Variants in SLF1 observed in about 807,000 individuals in gnomAD.
SLF1 encodes SMC5-SMC6 complex localization factor protein 1.
SLF1 carries 105 observed loss-of-function variants against 123.0 expected under a neutral mutation model. The observed-to-expected ratio is 0.85, with a 90% CI of 0.73 to 1.00. The LOEUF (loss-of-function observed/expected upper bound fraction) is 1.00. SLF1 is among the 50% of genes least tolerant of loss of function. SLF1 has a pLI of 0.00. For missense variants in SLF1, 1,239 were observed against 1,223.0 expected, an observed-to-expected ratio of 1.01 and a Z score of -0.20; for synonymous variants, 434 against 406.6, an observed-to-expected ratio of 1.07 and a Z score of -0.81.
intron 15 of SLF1, among the ~76,000 whole-genome samples, chr5:94,685,735 T>C (rs532930735): frequency 6.6e-6 from 1 of 151,962 alleles, no homozygotes; most frequent in Non-Finnish European, 1.5e-5. Flanking sequence ...CTTGGGAGGC[T>C]GAGGCAGGAG....
Position 94,695,194 on chromosome 5 carries a change from A to G in SLF1, c.3059A>G (p.Lys1020Arg), listed in dbSNP as rs746596938. 1 of 1,612,702 alleles carries G rather than the reference A, an allele frequency of 6.2e-7. No individual in the cohort carries two copies. Among genetic ancestry groups the G allele is most frequent in the Non-Finnish European group, 8.5e-7 (1 of 1,179,092 alleles). ...GCTGGAAATATAAAGACATTGCAGA[A>G]ACTCCCACACATTCTTAAGGAACTG... ...LYAGNIKTLQ[K>R]LPHILKELPE... The change falls in exon 21 of 21, where the codon AAA becomes AGA. Residue 1020 changes from lysine to arginine, a missense_variant. By Grantham distance (26) the Lys-to-Arg change is conservative. Coordinates refer to ENST00000265140, the MANE Select transcript of SLF1 (RefSeq NM_032290.4).
At chr5:94,663,622 G>A (rs907669082) in intron 10 of SLF1, 128 bp from the exon 11 acceptor site, 2 of 852,436 alleles carry the variant, frequency 2.3e-6, no homozygotes, top group Admixed American at 6.4e-5. Context: ...TCCAGCCTGG[G>A]TAACAGAGTG....
Position 94,630,490 on chromosome 5 carries a change from A to G in SLF1, c.191-13A>G. 2 of 1,538,508 alleles carry G rather than the reference A, an allele frequency of 1.3e-6. No individual in the cohort carries two copies. Among genetic ancestry groups the G allele is most frequent in the South Asian group, 1.2e-5 (1 of 83,046 alleles). ...AAAATTCCTTTGTGACTGACAGCTC[A>G]TTTGCTTTCTAGGAAAGTGGATACT... On this transcript the variant is annotated splice_polypyrimidine_tract_variant and intron_variant, in intron 3 of 20. Transcript: ENST00000265140.
intron 14 of SLF1, 25 bp from the exon 15 acceptor site, chr5:94,678,783 T>C: frequency 6.3e-7 from 1 of 1,577,836 alleles, no homozygotes; most frequent in Non-Finnish European, 8.7e-7. Context: ...TATATTTTAG[T>C]AATTTTTTTG....
In SLF1 at chr5:94,646,263, A is replaced by G. The variant is rs76062934; in HGVS notation, c.594+2828A>G. Among the ~76,000 whole-genome samples, 892 of 152,150 alleles carry G rather than the reference A, an allele frequency of 5.9e-3. 9 individuals carry two copies. Among genetic ancestry groups the G allele is most frequent in the African/African-American group, 0.021 (859 of 41,492 alleles). On this transcript the variant is annotated intron_variant, in intron 5 of 20. Transcript: ENST00000265140. ...ACCTTGTCCCCCTTTTTTTTAAGGT[A>G]ACATTGTATTTTTTAAAAAAGTTTT...
At chr5:94,627,622 C>G (rs1488252977) in intron 1 of SLF1, among the ~76,000 whole-genome samples, 1 of 60,580 alleles carries the variant, frequency 1.7e-5, no homozygotes, top group Admixed American at 1.6e-4. Flanking sequence ...ATATATATAG[C>G]AAAGTTAAGA....
chr5:94,652,355 A>G (rs536352136), intron 7 of SLF1, among the ~76,000 whole-genome samples: 255 of 152,252 alleles, frequency 1.7e-3, no homozygotes, highest in African/African-American at 5.6e-3. Flanking sequence ...CTTACCTAGA[A>G]GTAATCTTTG....
intron 5 of SLF1, among the ~76,000 whole-genome samples, chr5:94,646,124 C>T (rs745674395): frequency 7.9e-5 from 12 of 152,136 alleles, no homozygotes; most frequent in Admixed American, 3.9e-4. Context: ...TGGTGGCACA[C>T]CTATAGTTCT....
At chr5:94,682,882 G>A (rs1381840618) in intron 15 of SLF1, among the ~76,000 whole-genome samples, 1 of 152,140 alleles carries the variant, frequency 6.6e-6, no homozygotes, top group African/African-American at 2.4e-5. Flanking sequence ...AATATTACTG[G>A]CTTTTTAGGC....
intron 15 of SLF1, among the ~76,000 whole-genome samples, chr5:94,684,143 T>A (rs1207800898): frequency 1.3e-5 from 2 of 152,230 alleles, no homozygotes; most frequent in Non-Finnish European, 2.9e-5. Flanking sequence ...TGAGATCAAC[T>A]CTTTTGAACT....
intron 14 of SLF1, among the ~76,000 whole-genome samples, chr5:94,671,650 A>ATTT (rs765388734): frequency 7.5e-6 from 1 of 132,656 alleles, no homozygotes; most frequent in African/African-American, 2.7e-5. Context: ...TTTTCTTTTA[A>ATTT]TTTTTTTTTT....
chr5:94,675,354 T>A (rs1404163333), intron 14 of SLF1, among the ~76,000 whole-genome samples: 1 of 152,234 alleles, frequency 6.6e-6, no homozygotes, highest in East Asian at 1.9e-4. Flanking sequence ...TTTATTTCTT[T>A]GTTAATTCTT....
At chr5:94,651,548 A>G (rs1408938521) in intron 6 of SLF1, among the ~76,000 whole-genome samples, 154 bp from the exon 7 acceptor site, 3 of 152,228 alleles carry the variant, frequency 2.0e-5, no homozygotes, top group Non-Finnish European at 4.4e-5. Flanking sequence ...TTTATCTTAC[A>G]TAATTCAGAG....
At chr5:94,658,041 T>G (rs976382349) in intron 9 of SLF1, among the ~76,000 whole-genome samples, 9 of 152,102 alleles carry the variant, frequency 5.9e-5, no homozygotes, top group African/African-American at 2.2e-4. Flanking sequence ...TCCATCTACA[T>G]TCAAGGTTAT....
intron 12 of SLF1, among the ~76,000 whole-genome samples, chr5:94,668,452 G>C (rs1305212581): frequency 6.6e-6 from 1 of 152,132 alleles, no homozygotes; most frequent in African/African-American, 2.4e-5. Flanking sequence ...TCCTGCCTCA[G>C]CCTCCCAAGT....
chr5:94,652,725 A>C (rs111728932), intron 7 of SLF1, among the ~76,000 whole-genome samples: 1 of 152,180 alleles, frequency 6.6e-6, no homozygotes, highest in Non-Finnish European at 1.5e-5. Flanking sequence ...ATTCCTAGGA[A>C]TGGAGTTGCT....
In SLF1 at chr5:94,629,135, A is replaced by C; in HGVS notation, c.158A>C (p.Lys53Thr). ...CTHLIAERLC[K>T]SEKFLAACAA... ...CATCTTATAGCTGAACGCCTATGTAAGAGTGAAAAATTTTTAGCAGCTTGT... is the reference window on the plus strand; with the variant it reads ...CATCTTATAGCTGAACGCCTATGTACGAGTGAAAAATTTTTAGCAGCTTGT... The change falls in exon 3 of 21, where the codon AAG becomes ACG. Residue 53 changes from lysine to threonine, a missense_variant. Coordinates refer to ENST00000265140, the MANE Select transcript of SLF1 (RefSeq NM_032290.4). 2 of 1,548,794 alleles carry C rather than the reference A, an allele frequency of 1.3e-6. No homozygotes were observed. The highest frequency in any genetic ancestry group is 2.5e-5 in the East Asian group (1 of 40,796).
intron 1 of SLF1, among the ~76,000 whole-genome samples, chr5:94,623,837 C>A (rs1416004907): frequency 1.3e-5 from 2 of 152,036 alleles, no homozygotes; most frequent in African/African-American, 4.8e-5. Flanking sequence ...AACCATCAAA[C>A]CATGAATTTT....
chr5:94,663,149 C>CT (rs1348559499), intron 10 of SLF1, among the ~76,000 whole-genome samples: 7 of 152,156 alleles, frequency 4.6e-5, no homozygotes, highest in African/African-American at 9.7e-5. Context: ...AGCTCTTTCT[C>CT]TTTTTTATCA....
Sources: allele counts gnomAD v4.1 joint callset (sites outside exome capture counted in the v4.1 genomes callset), GRCh38; gene constraint gnomAD v4.1.1; transcripts MANE v1.5; gene names NCBI Gene and HGNC (gene_info 2026-07-23, HGNC 2026-07-21).